VARS2: variants seen among roughly 807,000 people sequenced by gnomAD.
VARS2 encodes the protein valyl-tRNA synthetase 2, mitochondrial.
VARS2 carries 105 observed loss-of-function variants against 154.1 expected under a neutral mutation model. The observed-to-expected ratio is 0.68, with a 90% confidence interval of 0.58 to 0.80. The LOEUF (loss-of-function observed/expected upper bound fraction) is 0.80, where lower values mean the gene tolerates loss of function less well. Among genes scored for constraint, VARS2 ranks in the 30% least tolerant of loss-of-function variants. VARS2 has a pLI of 0.00. For synonymous variants in VARS2, 483 were observed against 539.5 expected (o/e 0.90, Z 1.45); for missense variants, 1,157 against 1,361.4 (o/e 0.85, Z 2.36).
rs576908581 is a variant in VARS2 at position 30,916,426 on chromosome 6, T to C, written c.671+177T>C. The stretch of plus-strand genomic sequence containing the variant: ...GTGGAGTTTCTAAGCCTTATGTGTG[T>C]GGATATTATATATGCATTAGAATAT... On this transcript the variant is annotated intron_variant, in intron 7 of 29. Coordinates refer to ENST00000676266, the MANE Select transcript of VARS2 (RefSeq NM_020442.6). The surrounding 1 kb of genome is among the most constrained non-coding windows in gnomAD (Gnocchi z 4.0). The C allele has an allele frequency of 1.8e-6, 1 of 565,572 alleles. No homozygotes were observed. The highest frequency in any genetic ancestry group is 3.4e-5 in the Admixed American group (1 of 29,776). 35.0% of individuals were successfully genotyped at this position (565,572 alleles called of 1,614,324 possible). A position where few individuals can be genotyped will look rare whatever the true frequency, so the allele number is the denominator to read the frequency against.
chr6:30,922,439 C>G lies in VARS2; in HGVS notation c.1933-11C>G, dbSNP rs775636181. The G allele has an allele frequency of 6.8e-6, 11 of 1,608,362 alleles. No individual in the cohort carries two copies. The Admixed American group carries it at 1.4e-4, about 20-fold the overall frequency. ...GGAAACCCCCCTCTGTTGACCCCTC[C>G]CTGCCCCCAGGTGCTTCTTCATCCC... On this transcript the variant is annotated splice_polypyrimidine_tract_variant and intron_variant, in intron 20 of 29. Transcript: ENST00000676266.
chr6:30,914,452 C>A, intron 1 of VARS2, 108 bp downstream of exon 1: 1 of 1,299,374 alleles, frequency 7.7e-7, no homozygotes, highest in Non-Finnish European at 9.7e-7. Flanking sequence ...GTGGGCACTG[C>A]AGGAGGCCCC....
chr6:30,923,927 C>CG, intron 25 of VARS2: 1 of 355,610 alleles, frequency 2.8e-6, no homozygotes, highest in Non-Finnish European at 5.2e-6. Flanking sequence ...CGGTGGATCC[C>CG]CCCCGCTCCA....
In VARS2 at chr6:30,918,656, C is replaced by CAGCTGTAAGTGTTTAAATGTTTAT. The variant is rs1554267289; in HGVS notation, c.986-171_986-170insAGCTGTAAGTGTTTAAATGTTTAT. ...CTCTGGTCATCAGCTTATGGGAAAC[C>CAGCTGTAAGTGTTTAAATGTTTAT]CTGGGTTCCTATAAACACTGCTCCT... On this transcript the variant is annotated intron_variant, in intron 10 of 29. Transcript: ENST00000676266. The CAGCTGTAAGTGTTTAAATGTTTAT allele has an allele frequency of 1.9e-4, 107 of 569,478 alleles. 3 individuals are homozygous for CAGCTGTAAGTGTTTAAATGTTTAT. The highest frequency in any genetic ancestry group is 3.2e-4 in the Non-Finnish European group (100 of 311,196). The allele number at this position is 569,478 out of a possible 1,614,324, so 35.3% of individuals were successfully genotyped here.
chr6:30,916,182 CG>C lies in VARS2; in HGVS notation c.608del (p.Gly203GlufsTer2), dbSNP rs758825137. 6.2e-7 allele frequency: 1 copy of C among 1,613,764 alleles called. No homozygotes were observed. The highest frequency in any genetic ancestry group is 1.3e-5 in the African/African-American group (1 of 74,932). On this transcript the variant is annotated frameshift_variant, in exon 7 of 30. Coordinates refer to ENST00000676266, the MANE Select transcript of VARS2 (RefSeq NM_020442.6). LOFTEE classifies it high-confidence loss of function. The surrounding 1 kb of genome is among the most constrained non-coding windows in gnomAD (Gnocchi z 4.0). Reference protein sequence around the residue: ...AVVEKQLWKERGVRRHELSRE... With the variant: ...AVVEKQLWKEXGVRRHELSRE... Reference sequence around the variant, plus strand: ...GGTGGAGAAACAACTGTGGAAGGAACGGGGAGTGAGGAGACATGAGCTGAGC... The same window carrying C: ...GGTGGAGAAACAACTGTGGAAGGAACGGGAGTGAGGAGACATGAGCTGAGC...
chr6:30,916,788 C>A lies in VARS2; in HGVS notation c.672-90C>A. On this transcript the variant is annotated intron_variant, in intron 7 of 29. Coordinates refer to ENST00000676266, the MANE Select transcript of VARS2 (RefSeq NM_020442.6). This position sits in a 1 kb window ranked among gnomAD's most constrained non-coding sequence, Gnocchi z 4.0. ...ATGCCATCCTCACTTGATTTTCCTC[C>A]AACACCTGGCATTGCTGGGGGCATC... 1 of 1,330,742 alleles carries A rather than the reference C, an allele frequency of 7.5e-7. No homozygotes were observed. The highest frequency in any genetic ancestry group is 1.1e-6 in the Non-Finnish European group (1 of 924,860). The allele number at this position is 1,330,742 out of a possible 1,614,324, so 82.4% of individuals were successfully genotyped here. A position where few individuals can be genotyped will look rare whatever the true frequency, so the allele number is the denominator to read the frequency against.
chr6:30,918,099 C>A (rs1041732095), intron 10 of VARS2, among the ~76,000 whole-genome samples: 2 of 152,196 alleles, frequency 1.3e-5, no homozygotes, highest in Non-Finnish European at 2.9e-5. Context: ...GACAGAGTCT[C>A]ACTCTGTCAC....
rs910428369 is a variant in VARS2 at position 30,921,095 on chromosome 6, C to T, written c.1510C>T (p.Pro504Ser). 6.2e-7 allele frequency: 1 copy of T among 1,613,824 alleles called. No individual in the cohort carries two copies. Among genetic ancestry groups the T allele is most frequent in the Non-Finnish European group, 8.5e-7 (1 of 1,179,840 alleles). ...AVESGALELS[P>S]SFHQKNWQHW... ...GGAGTCGGGGGCCCTGGAGCTCAGTCCCTCCTTCCACCAGAAGAACTGGCA... is the reference window on the plus strand; with the variant it reads ...GGAGTCGGGGGCCCTGGAGCTCAGTTCCTCCTTCCACCAGAAGAACTGGCA... Residue 504 changes from proline to serine, a missense_variant, in exon 16 of 30, where the codon CCC (proline) becomes TCC (serine). Pro to Ser is a moderately conservative substitution (Grantham distance 74). Coordinates refer to ENST00000676266, the MANE Select transcript of VARS2 (RefSeq NM_020442.6). The surrounding 1 kb of genome is among the most constrained non-coding windows in gnomAD (Gnocchi z 4.6).
Position 30,918,947 on chromosome 6 carries a change from C to G in VARS2, c.1074+32C>G, listed in dbSNP as rs115947485. The stretch of plus-strand genomic sequence containing the variant: ...CCCAGTGCGCTCCTGCACTCTGGCC[C>G]GCCCCGCCAATGGCCTTCTCTTCTC... On this transcript the variant is annotated intron_variant, in intron 11 of 29. Coordinates refer to ENST00000676266, the MANE Select transcript of VARS2 (RefSeq NM_020442.6). 1.6e-5 allele frequency: 26 copies of G among 1,588,952 alleles called. No homozygotes were observed. The African/African-American group carries it at 3.1e-4, about 19-fold the overall frequency.
rs1329365302 is a variant in VARS2, at chr6:30,925,647, A to G, written c.2889A>G (p.Pro963=). 4.3e-6 allele frequency: 7 copies of G among 1,610,714 alleles called. No homozygotes were observed. In the African/African-American group the frequency reaches 8.0e-5, roughly 18 times the overall value. The part of the protein sequence containing the change: ...GYCGAVGLLP[P]GAAAPSGWAQ... ...GTGGGGCTGTGGGCCTGTTACCCCCAGGCGCAGCAGCTCCCTCCGGCTGGG... is the reference window on the plus strand; with the variant it reads ...GTGGGGCTGTGGGCCTGTTACCCCCGGGCGCAGCAGCTCCCTCCGGCTGGG... Residue 963 remains proline (P), a synonymous_variant, in exon 28 of 30, where the codon CCA becomes CCG. Coordinates refer to ENST00000676266, the MANE Select transcript of VARS2 (RefSeq NM_020442.6).
intron 23 of VARS2, 58 bp from the exon 24 acceptor site, chr6:30,923,046 C>T: frequency 6.2e-7 from 1 of 1,607,834 alleles, no homozygotes; most frequent in Non-Finnish European, 8.5e-7. Flanking sequence ...AGGGCAGGGG[C>T]AGGACTTCTG....
Position 30,916,962 on chromosome 6 carries a change from G to A in VARS2, c.753+3G>A. 8.1e-6 allele frequency: 13 copies of A among 1,614,192 alleles called. No homozygotes were observed. The highest frequency in any genetic ancestry group is 1.1e-5 in the Non-Finnish European group (13 of 1,180,036). On this transcript the variant is annotated splice_donor_region_variant and intron_variant, in intron 8 of 29. Coordinates refer to ENST00000676266, the MANE Select transcript of VARS2 (RefSeq NM_020442.6). The surrounding 1 kb of genome is among the most constrained non-coding windows in gnomAD (Gnocchi z 4.0). ...GAGAGTGTTTTACCATGGATGTTGTGAGTGTTCTGTGCCTTGGTCCCTGTG... is the reference window on the plus strand; with the variant it reads ...GAGAGTGTTTTACCATGGATGTTGTAAGTGTTCTGTGCCTTGGTCCCTGTG...
At position 30,918,453 on chromosome 6, in the gene VARS2, G is replaced by A. The variant is rs546080100; in HGVS notation, c.986-374G>A. Among the ~76,000 whole-genome samples, 3 of 152,244 alleles carry A rather than the reference G, an allele frequency of 2.0e-5. No individual in the cohort carries two copies. The East Asian group carries it at 5.8e-4, about 29-fold the overall frequency. ...CTGGAATTGTCAGTGGAAGCTTCTT[G>A]TAGGAGCTGGTGCTCCCCCTGAGGA... On this transcript the variant is annotated intron_variant, in intron 10 of 29. Coordinates refer to ENST00000676266, the MANE Select transcript of VARS2 (RefSeq NM_020442.6).
At position 30,918,901 on chromosome 6, in the gene VARS2, G is replaced by GACTCGCA. The variant is rs1317960875; in HGVS notation, c.1066_1067insAACTCGC (p.Arg356GlnfsTer50). 6.2e-7 allele frequency: 1 copy of GACTCGCA among 1,612,764 alleles called. No homozygotes were observed. The highest frequency in any genetic ancestry group is 1.3e-5 in the African/African-American group (1 of 74,898). ...TGTGGCTGTGGCCGTTCATCCAGAC[G>GACTCGCA]ACTCGCGATACACAGTAATACCCAG... On this transcript the variant is annotated frameshift_variant, in exon 11 of 30. Transcript: ENST00000676266. LOFTEE classifies it high-confidence loss of function.
At position 30,920,202 on chromosome 6, in the gene VARS2, G is replaced by A. The variant is rs752826855; in HGVS notation, c.1279G>A (p.Gly427Arg). 8.2e-6 allele frequency: 13 copies of A among 1,578,714 alleles called. No homozygotes were observed. The highest frequency in any genetic ancestry group is 6.7e-5 in the East Asian group (3 of 44,500). Reference sequence around the variant, plus strand: ...GGATGGGACCATGACCTCCCTCTGCGGGGACTGGCTGCAGGTGGTACCACC... The same window carrying A: ...GGATGGGACCATGACCTCCCTCTGCAGGGACTGGCTGCAGGTGGTACCACC... ...AEDGTMTSLC[G>R]DWLQGLHRFV... The change falls in exon 13 of 30, where the codon GGG (glycine) becomes AGG (arginine). Residue 427 changes from glycine to arginine, a missense_variant. By Grantham distance (125) the Gly-to-Arg change is moderately radical. Coordinates refer to ENST00000676266, the MANE Select transcript of VARS2 (RefSeq NM_020442.6). This position sits in a 1 kb window ranked among gnomAD's most constrained non-coding sequence, Gnocchi z 4.6.
intron 5 of VARS2, 29 bp from the exon 6 acceptor site, chr6:30,915,952 G>A (rs1349999191): frequency 6.2e-7 from 1 of 1,614,102 alleles, no homozygotes; most frequent in Non-Finnish European, 8.5e-7. Context: ...TTAAGCTCAG[G>A]GGCTCACAGG....
rs912935909 is a variant in VARS2 at position 30,914,858 on chromosome 6, T to G, written c.22T>G (p.Ser8Ala). The G allele has an allele frequency of 1.2e-6, 2 of 1,612,920 alleles. No individual in the cohort carries two copies. The highest frequency in any genetic ancestry group is 1.7e-6 in the Non-Finnish European group (2 of 1,180,036). MPHLPLA[S>A]FRPPFWGLRH... ...CCTGATGCCTCATTTGCCTCTCGCC[T>G]CTTTTCGACCACCATTTTGGGGGCT... is the stretch of plus-strand genomic sequence containing the variant. Residue 8 changes from serine (S) to alanine (A), a missense_variant, in exon 2 of 30, where the codon TCT becomes GCT. Ser to Ala is a moderately conservative substitution (Grantham distance 99, BLOSUM62 1). Transcript: ENST00000676266.
chr6:30,921,357 C>G lies in VARS2; in HGVS notation c.1632+52C>G. On this transcript the variant is annotated intron_variant, in intron 17 of 29. Coordinates refer to ENST00000676266, the MANE Select transcript of VARS2 (RefSeq NM_020442.6). This position sits in a 1 kb window ranked among gnomAD's most constrained non-coding sequence, Gnocchi z 4.6. Reference sequence around the variant, plus strand: ...CCGAGTGTGGCACAGAGCACCTAGCCCAGGAGTCAGAGCTCCGCAGGGCCA... The same window carrying G: ...CCGAGTGTGGCACAGAGCACCTAGCGCAGGAGTCAGAGCTCCGCAGGGCCA... 1 of 1,608,070 alleles carries G rather than the reference C, an allele frequency of 6.2e-7. No homozygotes were observed. The highest frequency in any genetic ancestry group is 8.5e-7 in the Non-Finnish European group (1 of 1,175,218).
Position 30,924,525 on chromosome 6 carries a change from A to C in VARS2, c.2638A>C (p.Ile880Leu), listed in dbSNP as rs1562462787. ...PRPGCPPAPS[I>L]SVAPYPSACS... is the part of the protein sequence containing the mutation. ...GCCTGGTTGCCCCCCTGCCCCCAGC[A>C]TCTCGGTTGCCCCCTACCCCAGCGC... is the stretch of plus-strand genomic sequence containing the variant. The change falls in exon 26 of 30, where the codon ATC (isoleucine) becomes CTC (leucine). Residue 880 changes from isoleucine (I) to leucine (L), a missense_variant. Transcript: ENST00000676266. The C allele has an allele frequency of 1.3e-6, 2 of 1,576,524 alleles. No individual in the cohort carries two copies. The highest frequency in any genetic ancestry group is 1.7e-6 in the Non-Finnish European group (2 of 1,157,924).
Sources: gnomAD v4.1 joint callset for allele counts (sites outside exome capture counted in the v4.1 genomes callset) on GRCh38, gnomAD v4.1.1 for gene constraint, Gnocchi (gnomAD v3.1) non-coding constraint, MANE v1.5 for transcripts, NCBI Gene and HGNC (gene_info 2026-07-23, HGNC 2026-07-21) for gene names.